Variants in RC3H2 observed in about 807,000 individuals in gnomAD.
RC3H2 encodes the protein roquin-2.
Under a neutral mutation model 133.3 loss-of-function variants are expected in RC3H2, and 31 were observed. The observed-to-expected ratio is 0.23, with a 90% CI of 0.17 to 0.31. RC3H2 has a LOEUF of 0.31. Ranked by LOEUF, RC3H2 falls within the 10% of genes least tolerant of loss-of-function variation. RC3H2 has a pLI of 1.00. For missense variants in RC3H2, 1,175 were observed against 1,437.2 expected (o/e 0.82, Z 2.95); for synonymous variants, 517 against 502.2 (o/e 1.03, Z -0.40).
intron 4 of RC3H2, among the ~76,000 whole-genome samples, chr9:122,888,443 G>A (rs1588104672): frequency 6.6e-6 from 1 of 152,154 alleles, no homozygotes; most frequent in South Asian, 2.1e-4. Flanking sequence ...GTCCCTGTCT[G>A]CTTTCCCTTG....
chr9:122,883,670 A>G (rs1282270163), intron 4 of RC3H2, among the ~76,000 whole-genome samples: 1 of 152,216 alleles, frequency 6.6e-6, no homozygotes, highest in East Asian at 1.9e-4. Flanking sequence ...GATAATGTTA[A>G]GGTAAAAAAA....
chr9:122,865,250 A>G (rs1326749681), intron 10 of RC3H2, 99 bp downstream of exon 10: 1 of 1,074,118 alleles, frequency 9.3e-7, no homozygotes, highest in Non-Finnish European at 1.3e-6. Context: ...TCTGCATAAA[A>G]ATTCTGATTA....
intron 19 of RC3H2, 32 bp from the exon 20 acceptor site, chr9:122,851,261 GA>G: frequency 1.2e-6 from 2 of 1,611,842 alleles, no homozygotes; most frequent in Non-Finnish European, 1.7e-6. Context: ...CCTTCAGTAT[GA>G]AAGTATTTTA....
chr9:122,857,985 G>T lies in RC3H2; in HGVS notation c.2392C>A (p.Pro798Thr). The change falls in exon 13 of 21, where the codon CCT (proline) becomes ACT (threonine). Residue 798 changes from proline to threonine, a missense_variant. Transcript: ENST00000357244. ...QKAPLVSSTL[P>T]VATQSPTPPS... ...GGTGTTGGTGACTGTGTTGCCACAG[G>T]AAGAGTTGAAGAGACAAGAGGTGCT... 1 of 1,614,178 alleles carries T rather than the reference G, an allele frequency of 6.2e-7. No homozygotes were observed. Among genetic ancestry groups the T allele is most frequent in the African/African-American group, 1.3e-5 (1 of 75,070 alleles).
At chr9:122,875,884 T>A (rs1227997879) in intron 9 of RC3H2, among the ~76,000 whole-genome samples, 1 of 152,126 alleles carries the variant, frequency 6.6e-6, no homozygotes, top group Non-Finnish European at 1.5e-5. Context: ...CAACATAGAT[T>A]TTATTTCTTA....
rs566657834 is a variant in RC3H2 at position 122,903,890 on chromosome 9, C to T, written c.-68+1220G>A. Among the ~76,000 whole-genome samples the T allele has an allele frequency of 3.4e-4, 52 of 152,250 alleles. 1 individual carries two copies. Among genetic ancestry groups the T allele is most frequent in the Admixed American group, 6.5e-4 (10 of 15,286 alleles). Reference sequence around the variant, plus strand: ...AACAGTGGTATAGCTTTTTAGACAGCTAAAAGGTTTTTTAAAAAGGAGAAT... The same window carrying T: ...AACAGTGGTATAGCTTTTTAGACAGTTAAAAGGTTTTTTAAAAAGGAGAAT... On this transcript the variant is annotated intron_variant, in intron 1 of 20. Transcript: ENST00000357244.
At chr9:122,854,451 A>T in intron 16 of RC3H2, 80 bp downstream of exon 16, 1 of 1,221,772 alleles carries the variant, frequency 8.2e-7, no homozygotes, top group South Asian at 1.2e-5. Context: ...ACATTTCATG[A>T]ACTGGGGGTA....
intron 13 of RC3H2, among the ~76,000 whole-genome samples, chr9:122,857,093 G>A (rs1477781425): frequency 1.3e-5 from 2 of 152,132 alleles, no homozygotes; most frequent in African/African-American, 4.8e-5. Context: ...GGGGAAGAGG[G>A]GGTATAAATA....
At chr9:122,862,975 A>T (rs1286397459) in intron 10 of RC3H2, among the ~76,000 whole-genome samples, 3 of 152,076 alleles carry the variant, frequency 2.0e-5, no homozygotes, top group Admixed American at 6.6e-5. Flanking sequence ...AGGGTGTACA[A>T]TTCAGTAATT....
chr9:122,866,610 T>C (rs1005887203), intron 9 of RC3H2, among the ~76,000 whole-genome samples: 1 of 152,130 alleles, frequency 6.6e-6, no homozygotes, highest in Admixed American at 6.5e-5. Context: ...TTTCACTGTG[T>C]TGGCTGGGCT....
chr9:122,889,176 T>C (rs1239572884), intron 4 of RC3H2, among the ~76,000 whole-genome samples: 1 of 152,168 alleles, frequency 6.6e-6, no homozygotes, highest in Admixed American at 6.5e-5. Context: ...TTCTTTTTCA[T>C]TTGCTTATAA....
intron 9 of RC3H2, chr9:122,875,480 G>GT (rs138832089): frequency 6.1e-5 from 84 of 1,369,350 alleles, no homozygotes; most frequent in Middle Eastern, 2.6e-4. Flanking sequence ...GTCTGTGGCT[G>GT]TTTTTTTGCT....
At chr9:122,850,954 G>C (rs1829996730) in intron 20 of RC3H2, 127 bp downstream of exon 20, 4 of 1,011,908 alleles carry the variant, frequency 4.0e-6, no homozygotes, top group Admixed American at 2.3e-5. Flanking sequence ...TAAAAATCCA[G>C]ATTGACCAAA....
intron 9 of RC3H2, among the ~76,000 whole-genome samples, chr9:122,866,383 CCTCTCCCCACGGTCT>C (rs1830663003): frequency 7.7e-6 from 1 of 130,344 alleles, no homozygotes; most frequent in African/African-American, 2.9e-5. Context: ...CTCCCCCCTC[CCTCTCCCCACGGTCT>C]CCCTCTCCCC....
chr9:122,877,161 T>C (rs1043469353), intron 9 of RC3H2, among the ~76,000 whole-genome samples: 1 of 152,236 alleles, frequency 6.6e-6, no homozygotes, highest in African/African-American at 2.4e-5. Context: ...CCTTGACCTA[T>C]GGGGTTCAAG....
chr9:122,857,125 T>G (rs1456223120), intron 13 of RC3H2, among the ~76,000 whole-genome samples: 2 of 152,220 alleles, frequency 1.3e-5, no homozygotes, highest in Admixed American at 6.5e-5. Flanking sequence ...ACTGAGTTGA[T>G]AACCGTGGAA....
At chr9:122,858,220 T>C (rs1830324572) in intron 12 of RC3H2, 127 bp from the exon 13 acceptor site, 5 of 799,620 alleles carry the variant, frequency 6.3e-6, no homozygotes, top group Non-Finnish European at 7.9e-6. Flanking sequence ...AAAGTCACCC[T>C]AGTCTATTCT....
In RC3H2 at chr9:122,890,308, T is replaced by C; in HGVS notation, c.583+4A>G. ...AAAAAAGGTAAGATAGTAACCTATC[T>C]TACCTGGCCCTAAAAACTGGCATCC... On this transcript the variant is annotated splice_donor_region_variant and intron_variant, in intron 4 of 20. Coordinates refer to ENST00000357244, the MANE Select transcript of RC3H2 (RefSeq NM_001100588.3). 1.2e-6 allele frequency: 2 copies of C among 1,613,190 alleles called. No individual in the cohort carries two copies. The highest frequency in any genetic ancestry group is 1.7e-6 in the Non-Finnish European group (2 of 1,179,208).
intron 8 of RC3H2, among the ~76,000 whole-genome samples, chr9:122,879,003 C>G (rs1447936520): frequency 6.6e-6 from 1 of 150,706 alleles, no homozygotes; most frequent in East Asian, 2.0e-4. Flanking sequence ...GTGATCCACT[C>G]ACCTCAACCT....
Sources: gnomAD v4.1 joint callset for allele counts (sites outside exome capture counted in the v4.1 genomes callset) on GRCh38, gnomAD v4.1.1 for gene constraint, MANE v1.5 for transcripts, NCBI Gene and HGNC (gene_info 2026-07-23, HGNC 2026-07-21) for gene names.